VRK1: variants seen among roughly 807,000 people sequenced by gnomAD.
VRK1 encodes VRK serine/threonine kinase 1.
In VRK1, 33 loss-of-function variants were observed where a neutral mutation model predicts 57.1. The ratio of observed to expected loss-of-function variants is 0.58; its 90% CI spans 0.44 to 0.77. The LOEUF is 0.77. Among genes scored for constraint, VRK1 ranks in the 30% least tolerant of loss-of-function variants. The probability of loss-of-function intolerance (pLI) is 0.00; values close to 1 mark genes in which losing one functional copy is unlikely to be tolerated. For missense variants in VRK1, 413 were observed against 477.3 expected (o/e 0.87, Z 1.25); for synonymous variants, 137 against 147.8 (o/e 0.93, Z 0.53).
At chr14:96,829,206 ATTT>A (rs1202071231) in intron 1 of VRK1, among the ~76,000 whole-genome samples, 2 of 141,632 alleles carry the variant, frequency 1.4e-5, no homozygotes, top group Admixed American at 7.1e-5. Context: ...TTTTCTTTTA[ATTT>A]TTTTTTTTTT....
intron 4 of VRK1, among the ~76,000 whole-genome samples, chr14:96,847,029 T>C (rs1887728659): frequency 6.6e-6 from 1 of 152,176 alleles, no homozygotes; most frequent in Admixed American, 6.5e-5. Context: ...AGATTTTTCA[T>C]TTTAAAGACA....
At chr14:96,856,684 G>A in intron 10 of VRK1, 98 bp downstream of exon 10, 2 of 1,093,462 alleles carry the variant, frequency 1.8e-6, no homozygotes, top group Non-Finnish European at 2.8e-6. Flanking sequence ...GATGTTAGGT[G>A]GTGGCCAGGC....
At chr14:96,858,138 C>G (rs1001212761) in intron 10 of VRK1, among the ~76,000 whole-genome samples, 2 of 152,096 alleles carry the variant, frequency 1.3e-5, no homozygotes, top group African/African-American at 4.8e-5. Flanking sequence ...GGCACAGTCA[C>G]AGCTCACTGC....
intron 11 of VRK1, among the ~76,000 whole-genome samples, chr14:96,863,430 C>T (rs1282232136): frequency 6.6e-6 from 1 of 152,152 alleles, no homozygotes; most frequent in Admixed American, 6.5e-5. Flanking sequence ...GAATTCCTTC[C>T]TGTTCCATCT....
rs1481158320 is a variant in VRK1 at position 96,876,123 on chromosome 14, A to G, written c.1159+3A>G. On this transcript the variant is annotated splice_donor_region_variant and intron_variant, in intron 12 of 12. Coordinates refer to ENST00000216639, the MANE Select transcript of VRK1 (RefSeq NM_003384.3). ...GACAGAGGAGGCCATACAGACCCGT[A>G]AGTTGAACAGTTTTGCCTAGCTGCT... 3 of 1,613,298 alleles carry G rather than the reference A, an allele frequency of 1.9e-6. No individual in the cohort carries two copies. In the South Asian group the frequency reaches 3.3e-5, roughly 18 times the overall value.
intron 10 of VRK1, among the ~76,000 whole-genome samples, chr14:96,858,125 A>G (rs1487285873): frequency 6.6e-6 from 1 of 152,046 alleles, no homozygotes; most frequent in East Asian, 1.9e-4. Flanking sequence ...GCTAGAGTGC[A>G]GTGGCACAGT....
Position 96,852,947 on chromosome 14 carries a change from A to G in VRK1, c.483+8A>G, listed in dbSNP as rs2139795917. Reference sequence around the variant, plus strand: ...CAGCTAAGCTTAAGAATTGTATGTGAGCTATGTTCTTCTTGTTTTTAAAAA... The same window carrying G: ...CAGCTAAGCTTAAGAATTGTATGTGGGCTATGTTCTTCTTGTTTTTAAAAA... On this transcript the variant is annotated splice_region_variant and intron_variant, in intron 6 of 12. Transcript: ENST00000216639. 1.2e-6 allele frequency: 2 copies of G among 1,612,610 alleles called. No individual in the cohort carries two copies. The highest frequency in any genetic ancestry group is 1.7e-6 in the Non-Finnish European group (2 of 1,178,930).
intron 1 of VRK1, among the ~76,000 whole-genome samples, chr14:96,797,743 G>C (rs1885493486): frequency 6.6e-6 from 1 of 152,188 alleles, no homozygotes; most frequent in African/African-American, 2.4e-5. Flanking sequence ...GACGCGCGTG[G>C]TGTCGCGGCC....
At chr14:96,834,346 T>C (rs1887132359) in intron 2 of VRK1, among the ~76,000 whole-genome samples, 1 of 152,194 alleles carries the variant, frequency 6.6e-6, no homozygotes, top group Non-Finnish European at 1.5e-5. Flanking sequence ...GTTTATAAAA[T>C]TTTATTTTTA....
chr14:96,856,439 G>C lies in VRK1; in HGVS notation c.831-89G>C, dbSNP rs1888156588. 4.4e-6 allele frequency: 6 copies of C among 1,369,246 alleles called. No individual in the cohort carries two copies. The South Asian group carries it at 4.9e-5, about 11-fold the overall frequency. 84.8% of individuals were successfully genotyped at this position (1,369,246 alleles called of 1,614,324 possible). A position where few individuals can be genotyped will look rare whatever the true frequency, so the allele number is the denominator to read the frequency against. The stretch of plus-strand genomic sequence containing the variant: ...TGTCTGTAAGCATATTTAGGATGTA[G>C]CACAATATAGCTTAATGTGCTATAT... On this transcript the variant is annotated intron_variant, in intron 9 of 12. Coordinates refer to ENST00000216639, the MANE Select transcript of VRK1 (RefSeq NM_003384.3).
At chr14:96,820,189 G>A (rs1245128905) in intron 1 of VRK1, among the ~76,000 whole-genome samples, 2 of 151,962 alleles carry the variant, frequency 1.3e-5, no homozygotes, top group African/African-American at 4.8e-5. Context: ...GTTCATTGTT[G>A]TAGTGTAGAA....
chr14:96,826,742 C>A (rs1886813298), intron 1 of VRK1, among the ~76,000 whole-genome samples: 1 of 152,186 alleles, frequency 6.6e-6, no homozygotes, highest in Non-Finnish European at 1.5e-5. Context: ...ATTTTAAGTT[C>A]TTCAGAAAAC....
At chr14:96,860,932 G>A (rs1199412217) in intron 11 of VRK1, 197 bp downstream of exon 11, 1 of 444,484 alleles carries the variant, frequency 2.2e-6, no homozygotes, top group Non-Finnish European at 3.9e-6. Flanking sequence ...ATGTTTAGTA[G>A]CAAGTTACTA....
At chr14:96,865,265 T>G (rs547186069) in intron 11 of VRK1, among the ~76,000 whole-genome samples, 1 of 152,312 alleles carries the variant, frequency 6.6e-6, no homozygotes, top group East Asian at 1.9e-4. Context: ...TTGTTTTCCT[T>G]CTTTTGGATA....
At chr14:96,824,749 G>A (rs746030901) in intron 1 of VRK1, among the ~76,000 whole-genome samples, 62 of 151,164 alleles carry the variant, frequency 4.1e-4, no homozygotes, top group Non-Finnish European at 8.4e-4. Context: ...TGCCTCCTGG[G>A]TTCACACCAT....
intron 2 of VRK1, among the ~76,000 whole-genome samples, chr14:96,836,518 C>CTTTTTT (rs10560354): frequency 1.0e-4 from 9 of 89,462 alleles, no homozygotes; most frequent in East Asian, 2.7e-4. Flanking sequence ...ACATCAGGGT[C>CTTTTTT]TTTTTTTTTT....
At chr14:96,840,259 A>G (rs1887401986) in intron 3 of VRK1, among the ~76,000 whole-genome samples, 1 of 152,158 alleles carries the variant, frequency 6.6e-6, no homozygotes, top group Non-Finnish European at 1.5e-5. Context: ...TAGGGGTCAC[A>G]GTCCTGTCCT....
chr14:96,797,965 T>C (rs1373599745), intron 1 of VRK1, among the ~76,000 whole-genome samples: 1 of 152,162 alleles, frequency 6.6e-6, no homozygotes, highest in Non-Finnish European at 1.5e-5. Flanking sequence ...CGAGGCTCTT[T>C]AGGTTAGGTG....
rs1322207018 is a variant in VRK1 at position 96,860,731 on chromosome 14, C to G, written c.1064C>G (p.Thr355Arg). Residue 355 changes from threonine to arginine, a missense_variant, in exon 11 of 13, where the codon ACA (threonine) becomes AGA (arginine). Thr to Arg is a moderately conservative substitution (Grantham distance 71). Coordinates refer to ENST00000216639, the MANE Select transcript of VRK1 (RefSeq NM_003384.3). ...GGAGGTTTGAAAGCAAAAACAATAA[C>G]AAAGGTGAATTTTGTTATTAAATTA... is the stretch of plus-strand genomic sequence containing the variant. ...ENGGLKAKTITKKRKKEIEES... is the reference protein window; with the variant it reads ...ENGGLKAKTIRKKRKKEIEES... 6.2e-7 allele frequency: 1 copy of G among 1,611,936 alleles called. No homozygotes were observed. Among genetic ancestry groups the G allele is most frequent in the African/African-American group, 1.3e-5 (1 of 74,798 alleles).
Sources: allele counts gnomAD v4.1 joint callset (sites outside exome capture counted in the v4.1 genomes callset), GRCh38; gene constraint gnomAD v4.1.1; transcripts MANE v1.5; gene names NCBI Gene and HGNC (gene_info 2026-07-23, HGNC 2026-07-21).